The following KATNAL1 variants were observed in gnomAD, a reference collection of about 807,000 sequenced individuals.
KATNAL1 encodes the protein katanin catalytic subunit A1 like 1.
In KATNAL1, 32 loss-of-function variants were observed where a neutral mutation model predicts 55.2. The observed-to-expected ratio is 0.58, with a 90% CI of 0.44 to 0.78. The LOEUF is 0.78. Among genes scored for constraint, KATNAL1 ranks in the 30% least tolerant of loss-of-function variants. KATNAL1 has a pLI of 0.00. For missense variants in KATNAL1, 466 were observed against 600.9 expected, an observed-to-expected ratio of 0.78 and a Z score of 2.35; for synonymous variants, 193 against 193.6, an observed-to-expected ratio of 1.00 and a Z score of 0.02.
chr13:30,246,575 C>T (rs1426454844), intron 4 of KATNAL1, among the ~76,000 whole-genome samples: 1 of 152,082 alleles, frequency 6.6e-6, no homozygotes, highest in Non-Finnish European at 1.5e-5. Context: ...TTCTGCACAG[C>T]AAAAGAAACT....
Position 30,302,138 on chromosome 13 carries a change from G to C in KATNAL1, c.-15+5193C>G, listed in dbSNP as rs953110614. Among the ~76,000 whole-genome samples, 11 of 152,170 alleles carry C rather than the reference G, an allele frequency of 7.2e-5. No homozygotes were observed. The East Asian group carries it at 2.1e-3, about 29-fold the overall frequency. On this transcript the variant is annotated intron_variant, in intron 1 of 10. Transcript: ENST00000380615. ...TTTCTGCCCCTCTCAGCCTCCCAAAGTGCTGGGATAACAAGCAAGAGCCAC... is the reference window on the plus strand; with the variant it reads ...TTTCTGCCCCTCTCAGCCTCCCAAACTGCTGGGATAACAAGCAAGAGCCAC...
At chr13:30,216,083 G>A (rs1037880674) in intron 9 of KATNAL1, among the ~76,000 whole-genome samples, 1 of 152,168 alleles carries the variant, frequency 6.6e-6, no homozygotes, top group Non-Finnish European at 1.5e-5. Flanking sequence ...GTATATATAT[G>A]TGGTAACATG....
intron 3 of KATNAL1, among the ~76,000 whole-genome samples, chr13:30,264,984 CAAT>C (rs1879628429): frequency 6.9e-6 from 1 of 143,952 alleles, no homozygotes; most frequent in African/African-American, 2.6e-5. Context: ...AAATGTCCAA[CAAT>C]GATAGACTGG....
At chr13:30,246,093 T>A (rs575541465) in intron 4 of KATNAL1, among the ~76,000 whole-genome samples, 1 of 152,088 alleles carries the variant, frequency 6.6e-6, no homozygotes, top group African/African-American at 2.4e-5. Context: ...GCCAAGACAA[T>A]CCTAAGCAAA....
intron 3 of KATNAL1, among the ~76,000 whole-genome samples, chr13:30,268,954 C>T (rs1879995184): frequency 6.6e-6 from 1 of 152,144 alleles, no homozygotes; most frequent in South Asian, 2.1e-4. Flanking sequence ...CCTTACAAAG[C>T]TTACAATCTA....
intron 1 of KATNAL1, among the ~76,000 whole-genome samples, chr13:30,294,936 C>T (rs971409604): frequency 1.3e-5 from 2 of 152,212 alleles, no homozygotes; most frequent in Admixed American, 6.5e-5. Flanking sequence ...CATCTGTTTA[C>T]AGTATGGCTT....
chr13:30,302,280 C>A (rs1311006919), intron 1 of KATNAL1, among the ~76,000 whole-genome samples: 1 of 152,132 alleles, frequency 6.6e-6, no homozygotes, highest in Non-Finnish European at 1.5e-5. Flanking sequence ...AAGCAAATAA[C>A]CTATATACAT....
chr13:30,302,327 C>T (rs1472684091), intron 1 of KATNAL1, among the ~76,000 whole-genome samples: 2 of 152,042 alleles, frequency 1.3e-5, no homozygotes, highest in African/African-American at 2.4e-5. Flanking sequence ...AGTTCACTAA[C>T]ATAAAATTCT....
chr13:30,269,506 TGAG>T (rs1387066922), intron 3 of KATNAL1, among the ~76,000 whole-genome samples: 1 of 151,182 alleles, frequency 6.6e-6, no homozygotes, highest in Admixed American at 6.6e-5. Context: ...GTCTAGGAAG[TGAG>T]GAGCGTCTCT....
intron 2 of KATNAL1, among the ~76,000 whole-genome samples, chr13:30,282,641 A>T (rs1161963493): frequency 2.2e-5 from 3 of 137,800 alleles, no homozygotes; most frequent in South Asian, 2.3e-4. Context: ...CTGTCTCTTT[A>T]AAAAAAAAAA....
At chr13:30,303,615 A>T (rs1486116320) in intron 1 of KATNAL1, among the ~76,000 whole-genome samples, 1 of 152,220 alleles carries the variant, frequency 6.6e-6, no homozygotes, top group Admixed American at 6.5e-5. Context: ...AAATATAAAC[A>T]TATTTTCATT....
In KATNAL1 at chr13:30,274,907, G is replaced by GCACACACA. The variant is rs368435407; in HGVS notation, c.323+5148_323+5155dup. On this transcript the variant is annotated intron_variant, in intron 3 of 10. Coordinates refer to ENST00000380615, the MANE Select transcript of KATNAL1 (RefSeq NM_032116.5). ...CACACACATACGCGCGCGCGCGCGCGCACACACACACACACACACACACAC... is the reference window on the plus strand; with the variant it reads ...CACACACATACGCGCGCGCGCGCGCGCACACACACACACACACACACACACACACACAC... 6.3e-3 allele frequency among the ~76,000 whole-genome samples: 665 copies of GCACACACA among 105,396 alleles called. 4 individuals carry two copies. Among genetic ancestry groups the GCACACACA allele is most frequent in the East Asian group, 0.011 (40 of 3,662 alleles). 69.1% of individuals were successfully genotyped at this position (105,396 alleles called of 152,430 possible).
At chr13:30,238,230 T>A in intron 6 of KATNAL1, among the ~76,000 whole-genome samples, 1 of 152,218 alleles carries the variant, frequency 6.6e-6, no homozygotes, top group African/African-American at 2.4e-5. Context: ...TAATTTATAT[T>A]TTCAACATTT....
intron 6 of KATNAL1, among the ~76,000 whole-genome samples, chr13:30,234,510 C>T (rs560490463): frequency 3.3e-4 from 51 of 152,282 alleles, no homozygotes; most frequent in African/African-American, 1.1e-3. Context: ...TTTCCTGACA[C>T]TTCTGCTCTC....
chr13:30,227,139 T>C (rs1875574454), intron 9 of KATNAL1, among the ~76,000 whole-genome samples: 1 of 152,056 alleles, frequency 6.6e-6, no homozygotes, highest in African/African-American at 2.4e-5. Flanking sequence ...AAACAGCATA[T>C]TCTGAAAAAG....
At chr13:30,222,285 T>C (rs1445302633) in intron 9 of KATNAL1, among the ~76,000 whole-genome samples, 3 of 152,092 alleles carry the variant, frequency 2.0e-5, no homozygotes, top group East Asian at 1.9e-4. Context: ...AGATTTCAAC[T>C]GCAACACTGG....
At chr13:30,232,709 C>A (rs947355212) in intron 6 of KATNAL1, among the ~76,000 whole-genome samples, 1 of 152,108 alleles carries the variant, frequency 6.6e-6, no homozygotes, top group Admixed American at 6.6e-5. Flanking sequence ...AGCTACTGTA[C>A]GATATTTATA....
chr13:30,294,137 C>G (rs932979411), intron 1 of KATNAL1, among the ~76,000 whole-genome samples: 1 of 152,148 alleles, frequency 6.6e-6, no homozygotes, highest in Non-Finnish European at 1.5e-5. Context: ...ACAATAGCCT[C>G]TAAGTGTTCA....
At chr13:30,235,543 A>AATATCCAAACT (rs890112063) in intron 6 of KATNAL1, among the ~76,000 whole-genome samples, 5 of 152,320 alleles carry the variant, frequency 3.3e-5, no homozygotes, top group Admixed American at 1.3e-4. Context: ...TGGTGGGACA[A>AATATCCAAACT]ATATCCAAAC....
Sources: allele counts gnomAD v4.1 joint callset (sites outside exome capture counted in the v4.1 genomes callset), GRCh38; gene constraint gnomAD v4.1.1; transcripts MANE v1.5; gene names NCBI Gene and HGNC (gene_info 2026-07-23, HGNC 2026-07-21).